Variants in ROBO2 observed in about 807,000 individuals in gnomAD.
The protein encoded by ROBO2 is roundabout homolog 2.
Under a neutral mutation model 160.8 loss-of-function variants are expected in ROBO2, and 53 were observed. The ratio of observed to expected loss-of-function variants is 0.33; its 90% confidence interval spans 0.26 to 0.41. ROBO2 has a LOEUF of 0.41. ROBO2 is among the 10% of genes least tolerant of loss of function. ROBO2 has a pLI of 1.00. For missense variants in ROBO2, 1,577 were observed against 1,722.4 expected (o/e 0.92, Z 1.49); for synonymous variants, 664 against 611.7 (o/e 1.09, Z -1.26).
intron 2 of ROBO2, among the ~76,000 whole-genome samples, chr3:76,276,288 A>G (rs972105532): frequency 1.2e-4 from 18 of 152,206 alleles, no homozygotes; most frequent in African/African-American, 4.1e-4. Context: ...CTGTTCTAAT[A>G]TCTATCAATG....
At chr3:76,437,471 C>CA (rs1392479450) in intron 2 of ROBO2, among the ~76,000 whole-genome samples, 1 of 152,130 alleles carries the variant, frequency 6.6e-6, no homozygotes, top group African/African-American at 2.4e-5. Flanking sequence ...ACACTGTCCC[C>CA]AATCCTGCCA....
chr3:77,552,784 T>C (rs887901247), intron 8 of ROBO2, among the ~76,000 whole-genome samples: 2 of 152,060 alleles, frequency 1.3e-5, no homozygotes, highest in Non-Finnish European at 2.9e-5. Flanking sequence ...ACACATGTTA[T>C]CAATTAATCT....
chr3:76,987,935 G>A (rs897100544), intron 2 of ROBO2, among the ~76,000 whole-genome samples: 2 of 151,976 alleles, frequency 1.3e-5, no homozygotes, highest in Non-Finnish European at 2.9e-5. Context: ...TTAAAATTAA[G>A]TGATATTAAA....
intron 6 of ROBO2, among the ~76,000 whole-genome samples, chr3:77,530,849 A>T (rs2091664848): frequency 6.6e-6 from 1 of 152,008 alleles, no homozygotes; most frequent in Non-Finnish European, 1.5e-5. Context: ...TATTTGGAAA[A>T]CTCTTCTGAT....
chr3:76,461,094 G>A (rs576796144), intron 2 of ROBO2, among the ~76,000 whole-genome samples: 1 of 152,326 alleles, frequency 6.6e-6, no homozygotes, highest in African/African-American at 2.4e-5. Context: ...AGTTATGCCA[G>A]CTTTAAAAGA....
intron 2 of ROBO2, among the ~76,000 whole-genome samples, chr3:76,153,707 G>A (rs539304723): frequency 5.9e-5 from 9 of 152,180 alleles, no homozygotes; most frequent in South Asian, 4.2e-4. Context: ...TAGTTTGTCC[G>A]TCTTCAAAAC....
Position 76,953,885 on chromosome 3 carries a change from C to T in ROBO2, c.110-144129C>T, listed in dbSNP as rs547745647. Among the ~76,000 whole-genome samples, 5 of 152,170 alleles carry T rather than the reference C, an allele frequency of 3.3e-5. No individual in the cohort carries two copies. In the South Asian group the frequency reaches 6.2e-4, roughly 19 times the overall value. On this transcript the variant is annotated intron_variant, in intron 2 of 26. Transcript: ENST00000487694. ...GTGTTACCATTTTACATTTAAAGGC[C>T]GGCATCCTCTGTTCCACCAGAGTAA...
chr3:76,158,867 TATC>T (rs2072512813), intron 2 of ROBO2, among the ~76,000 whole-genome samples: 1 of 152,198 alleles, frequency 6.6e-6, no homozygotes. Context: ...TCAGATTACT[TATC>T]ATCTTTACCA....
chr3:77,544,950 A>C (rs186143416), intron 6 of ROBO2, among the ~76,000 whole-genome samples: 53 of 152,164 alleles, frequency 3.5e-4, no homozygotes, highest in Admixed American at 1.1e-3. Flanking sequence ...ATTCTCTCTC[A>C]AGATCATTAG....
chr3:75,969,283 A>G (rs1388329644), intron 2 of ROBO2, among the ~76,000 whole-genome samples: 1 of 151,306 alleles, frequency 6.6e-6, no homozygotes, highest in East Asian at 2.0e-4. Context: ...GGGAATACAG[A>G]TATATCTTTC....
chr3:76,016,464 G>C (rs970889617), intron 2 of ROBO2, among the ~76,000 whole-genome samples: 2 of 151,734 alleles, frequency 1.3e-5, no homozygotes, highest in Non-Finnish European at 2.9e-5. Context: ...CAAGAAAAAC[G>C]ATTGTCATTC....
At chr3:77,454,009 A>G (rs2081365968) in intron 2 of ROBO2, among the ~76,000 whole-genome samples, 1 of 151,992 alleles carries the variant, frequency 6.6e-6, no homozygotes, top group Admixed American at 6.6e-5. Context: ...TTCAATCCTC[A>G]TTTCCCGTTA....
chr3:76,593,007 G>A (rs2086513650), intron 2 of ROBO2, among the ~76,000 whole-genome samples: 1 of 152,040 alleles, frequency 6.6e-6, no homozygotes, highest in African/African-American at 2.4e-5. Context: ...GTTTGAAAGA[G>A]CCTAGCTTAC....
At chr3:77,247,889 G>A (rs979438922) in intron 2 of ROBO2, among the ~76,000 whole-genome samples, 1 of 152,148 alleles carries the variant, frequency 6.6e-6, no homozygotes. Context: ...AGAAGACAGT[G>A]GGTCTCTGGC....
chr3:76,226,429 G>C (rs1270246665), intron 2 of ROBO2, among the ~76,000 whole-genome samples: 1 of 152,048 alleles, frequency 6.6e-6, no homozygotes, highest in Non-Finnish European at 1.5e-5. Flanking sequence ...TGGTGATGAA[G>C]GAATAAGGGT....
intron 2 of ROBO2, among the ~76,000 whole-genome samples, chr3:76,066,628 T>A (rs1559883269): frequency 6.6e-6 from 1 of 151,934 alleles, no homozygotes; most frequent in Non-Finnish European, 1.5e-5. Context: ...AAATATGATG[T>A]AGTCTGCCAA....
chr3:76,973,053 A>G (rs1318268018), intron 2 of ROBO2, among the ~76,000 whole-genome samples: 1 of 152,204 alleles, frequency 6.6e-6, no homozygotes, highest in Non-Finnish European at 1.5e-5. Flanking sequence ...AGTTAACAGT[A>G]CAAATATCCA....
intron 2 of ROBO2, among the ~76,000 whole-genome samples, chr3:76,776,542 C>G (rs1255566149): frequency 6.6e-6 from 1 of 150,758 alleles, no homozygotes; most frequent in Admixed American, 6.6e-5. Context: ...ACTTCACACC[C>G]TTTAAGGGCA....
At chr3:77,277,561 T>G (rs1233837458) in intron 2 of ROBO2, among the ~76,000 whole-genome samples, 2 of 152,164 alleles carry the variant, frequency 1.3e-5, no homozygotes, top group Non-Finnish European at 2.9e-5. Flanking sequence ...GTGTTTGGTT[T>G]TCTGTTCCTG....
Sources: allele counts gnomAD v4.1 joint callset (sites outside exome capture counted in the v4.1 genomes callset), GRCh38; gene constraint gnomAD v4.1.1; transcripts MANE v1.5; gene names NCBI Gene and HGNC (gene_info 2026-07-23, HGNC 2026-07-21).